Variants in DRG1 observed in about 807,000 individuals in gnomAD.
The protein encoded by DRG1 is developmentally-regulated GTP-binding protein 1.
DRG1 carries 19 observed loss-of-function variants against 38.8 expected under a neutral mutation model. The observed-to-expected ratio is 0.49, with a 90% CI of 0.34 to 0.72. The LOEUF (loss-of-function observed/expected upper bound fraction) is 0.72. Among genes scored for constraint, DRG1 ranks in the 30% least tolerant of loss-of-function variants. The pLI is 0.01. For synonymous variants in DRG1, 167 were observed against 157.5 expected (o/e 1.06, Z -0.45); for missense variants, 299 against 444.8 (o/e 0.67, Z 2.95).
chr22:31,416,729 C>T (rs1312571998), intron 4 of DRG1, among the ~76,000 whole-genome samples: 2 of 151,872 alleles, frequency 1.3e-5, no homozygotes, highest in Admixed American at 6.6e-5. Flanking sequence ...ATGGTGAAAC[C>T]GCGTGTCTAT....
intron 3 of DRG1, among the ~76,000 whole-genome samples, chr22:31,407,452 T>TA (rs964323312): frequency 2.6e-5 from 4 of 152,000 alleles, no homozygotes; most frequent in African/African-American, 9.7e-5. Flanking sequence ...CCTCCCACCG[T>TA]AGCCTTCCAA....
rs551362407 is a variant in DRG1, at chr22:31,423,651, C to T, written c.713+241C>T. 7.3e-5 allele frequency among the ~76,000 whole-genome samples: 11 copies of T among 151,242 alleles called. No individual in the cohort carries two copies. In the East Asian group the frequency reaches 1.9e-3, roughly 27 times the overall value. ...AAGAGATTCTTCTGCCTCAGCCTCC[C>T]GAGTAGCTAGGATTACAGGTGCGCA... On this transcript the variant is annotated intron_variant, in intron 6 of 8. Coordinates refer to ENST00000331457, the MANE Select transcript of DRG1 (RefSeq NM_004147.4).
intron 4 of DRG1, among the ~76,000 whole-genome samples, chr22:31,411,696 A>AT (rs58050898): frequency 0.015 from 2,172 of 143,068 alleles, 62 homozygotes; most frequent in African/African-American, 0.05. Flanking sequence ...TGCCTGGCTA[A>AT]TTTTTTTTTT....
chr22:31,414,128 A>G (rs1335230844), intron 4 of DRG1, among the ~76,000 whole-genome samples: 5 of 152,140 alleles, frequency 3.3e-5, no homozygotes, highest in African/African-American at 4.8e-5. Flanking sequence ...GGATTGCCCC[A>G]ACACCTAATC....
intron 6 of DRG1, among the ~76,000 whole-genome samples, chr22:31,425,553 A>C (rs2050105490): frequency 6.7e-6 from 1 of 149,572 alleles, no homozygotes; most frequent in Admixed American, 6.7e-5. Context: ...CCATCCTCCC[A>C]CCTCAACCTC....
At chr22:31,401,157 C>T (rs2049958574) in intron 2 of DRG1, among the ~76,000 whole-genome samples, 1 of 150,610 alleles carries the variant, frequency 6.6e-6, no homozygotes, top group Non-Finnish European at 1.5e-5. Context: ...AGTGGCTCAC[C>T]CTTGTAATTC....
chr22:31,429,648 A>G (rs574112239), intron 8 of DRG1, among the ~76,000 whole-genome samples: 2 of 151,118 alleles, frequency 1.3e-5, no homozygotes, highest in African/African-American at 4.9e-5. Context: ...TTCTTTTGAT[A>G]AGCTCCTTTT....
At chr22:31,401,911 C>T (rs975484053) in intron 2 of DRG1, among the ~76,000 whole-genome samples, 1 of 151,952 alleles carries the variant, frequency 6.6e-6, no homozygotes, top group Non-Finnish European at 1.5e-5. Context: ...ATTAGCTGGG[C>T]ATGGTAGCAC....
chr22:31,415,577 G>A (rs2145864305), intron 4 of DRG1, among the ~76,000 whole-genome samples: 1 of 152,264 alleles, frequency 6.6e-6, no homozygotes, highest in South Asian at 2.1e-4. Context: ...GGCCAGGCTT[G>A]TCTAGAACTC....
intron 8 of DRG1, among the ~76,000 whole-genome samples, chr22:31,430,394 AT>A (rs879632104): frequency 0.018 from 2,553 of 143,204 alleles, 45 homozygotes; most frequent in African/African-American, 0.053. Context: ...TACAGGGTTA[AT>A]TTTTTTTTTT....
At chr22:31,418,838 C>A (rs569872619) in intron 4 of DRG1, among the ~76,000 whole-genome samples, 4 of 152,148 alleles carry the variant, frequency 2.6e-5, no homozygotes, top group South Asian at 2.1e-4. Context: ...TGTGCCACCA[C>A]ATCCGGCTAA....
At chr22:31,403,252 T>G in intron 3 of DRG1, 48 bp downstream of exon 3, 2 of 1,537,936 alleles carry the variant, frequency 1.3e-6, no homozygotes, top group Non-Finnish European at 1.8e-6. Flanking sequence ...TATTCTTCAT[T>G]TAGGAAGAAG....
intron 6 of DRG1, among the ~76,000 whole-genome samples, chr22:31,423,835 T>C (rs946187991): frequency 6.6e-6 from 1 of 150,834 alleles, no homozygotes; most frequent in Non-Finnish European, 1.5e-5. Context: ...CCTGTGCTAC[T>C]ATCTTAAATG....
intron 6 of DRG1, among the ~76,000 whole-genome samples, chr22:31,423,613 A>G (rs1469654609): frequency 1.5e-5 from 2 of 134,400 alleles, no homozygotes; most frequent in African/African-American, 2.9e-5. Context: ...TGCAAGCTCC[A>G]CCTCCCAGGT....
chr22:31,409,299 G>A (rs952500643), intron 3 of DRG1, among the ~76,000 whole-genome samples: 5 of 151,974 alleles, frequency 3.3e-5, no homozygotes, highest in Non-Finnish European at 7.4e-5. Flanking sequence ...TGGCTAGGAT[G>A]GTCTCGAACT....
intron 3 of DRG1, among the ~76,000 whole-genome samples, chr22:31,405,586 A>G (rs1282350647): frequency 1.3e-5 from 2 of 151,554 alleles, no homozygotes; most frequent in Non-Finnish European, 2.9e-5. Context: ...GTCATATTCC[A>G]GTTTTGAACA....
chr22:31,401,452 G>T (rs2049960375), intron 2 of DRG1, among the ~76,000 whole-genome samples: 1 of 151,138 alleles, frequency 6.6e-6, no homozygotes. Context: ...GGTGGCGCAT[G>T]CCTGTAATCC....
intron 3 of DRG1, among the ~76,000 whole-genome samples, chr22:31,408,981 T>G (rs1245589919): frequency 6.6e-6 from 1 of 152,076 alleles, no homozygotes; most frequent in Non-Finnish European, 1.5e-5. Flanking sequence ...GTGGGGTTGG[T>G]TTTTCAATCA....
chr22:31,399,871 C>G, intron 1 of DRG1, 146 bp downstream of exon 1: 2 of 1,180,632 alleles, frequency 1.7e-6, no homozygotes, highest in Non-Finnish European at 2.5e-6. Context: ...CGACTGCCCT[C>G]TGCCACGATT....
Sources: allele counts gnomAD v4.1 joint callset (sites outside exome capture counted in the v4.1 genomes callset), GRCh38; gene constraint gnomAD v4.1.1; transcripts MANE v1.5; gene names NCBI Gene and HGNC (gene_info 2026-07-23, HGNC 2026-07-21).